ATE1: variants seen among roughly 807,000 people sequenced by gnomAD.
ATE1 encodes arginyl-tRNA--protein transferase 1.
Under a neutral mutation model 70.5 loss-of-function variants are expected in ATE1, and 36 were observed. The observed-to-expected ratio is 0.51, with a 90% CI of 0.39 to 0.67. ATE1 has a LOEUF of 0.67. Among genes scored for constraint, ATE1 ranks in the 30% least tolerant of loss-of-function variants. The pLI, the probability that ATE1 is intolerant of heterozygous loss-of-function variation, is 0.00. For missense variants in ATE1, 593 were observed against 629.5 expected (o/e 0.94, Z 0.62); for synonymous variants, 232 against 219.3 (o/e 1.06, Z -0.51).
chr10:121,786,022 T>C (rs999473436), intron 11 of ATE1, among the ~76,000 whole-genome samples: 2 of 152,114 alleles, frequency 1.3e-5, no homozygotes, highest in Non-Finnish European at 2.9e-5. Context: ...ATAACAAGTA[T>C]AGAGCAGTAT....
At chr10:121,857,745 A>T (rs1256907278) in intron 8 of ATE1, among the ~76,000 whole-genome samples, 12 of 152,198 alleles carry the variant, frequency 7.9e-5, no homozygotes, top group African/African-American at 2.9e-4. Flanking sequence ...TAGCATCATC[A>T]AGTACATTCA....
intron 10 of ATE1, among the ~76,000 whole-genome samples, chr10:121,792,426 C>T (rs531710286): frequency 6.6e-6 from 1 of 152,286 alleles, no homozygotes; most frequent in Admixed American, 6.5e-5. Context: ...GACCAGAAGT[C>T]AGGTCTCTGA....
At chr10:121,794,203 C>T (rs1447110881) in intron 10 of ATE1, among the ~76,000 whole-genome samples, 1 of 152,130 alleles carries the variant, frequency 6.6e-6, no homozygotes, top group Non-Finnish European at 1.5e-5. Flanking sequence ...ACTATTAAAG[C>T]TTTATATTAT....
intron 10 of ATE1, among the ~76,000 whole-genome samples, chr10:121,823,812 G>T (rs1947899684): frequency 1.3e-5 from 2 of 152,098 alleles, no homozygotes; most frequent in South Asian, 4.2e-4. Flanking sequence ...TAATTAACAT[G>T]GCAAGTGCTT....
chr10:121,816,246 A>G (rs1363459403), intron 10 of ATE1, among the ~76,000 whole-genome samples: 1 of 152,216 alleles, frequency 6.6e-6, no homozygotes, highest in African/African-American at 2.4e-5. Context: ...TAGAAAAACT[A>G]TTTTATACTA....
chr10:121,908,103 A>G (rs1951273616), intron 5 of ATE1, among the ~76,000 whole-genome samples: 1 of 152,238 alleles, frequency 6.6e-6, no homozygotes, highest in African/African-American at 2.4e-5. Context: ...AGATTGCAAC[A>G]GCAGTATGTT....
chr10:121,883,045 A>G (rs1179317844), intron 7 of ATE1, among the ~76,000 whole-genome samples: 2 of 152,134 alleles, frequency 1.3e-5, no homozygotes, highest in African/African-American at 4.8e-5. Context: ...TATATTCCCA[A>G]CTTACAGAAG....
At chr10:121,870,377 A>T (rs1170346625) in intron 7 of ATE1, among the ~76,000 whole-genome samples, 1 of 152,240 alleles carries the variant, frequency 6.6e-6, no homozygotes, top group African/African-American at 2.4e-5. Context: ...AAAAATCAGC[A>T]ATCTTCCTGA....
At chr10:121,775,704 T>C (rs974884917) in intron 11 of ATE1, among the ~76,000 whole-genome samples, 4 of 152,202 alleles carry the variant, frequency 2.6e-5, no homozygotes, top group African/African-American at 9.6e-5. Flanking sequence ...ATTAAGAAAG[T>C]GGGTCCCTCC....
At chr10:121,772,141 A>C (rs758267797) in intron 11 of ATE1, among the ~76,000 whole-genome samples, 3 of 152,222 alleles carry the variant, frequency 2.0e-5, no homozygotes, top group African/African-American at 4.8e-5. Context: ...CAGGGATACA[A>C]AGACAAGGAT....
At chr10:121,884,385 AG>A (rs1287827965) in intron 7 of ATE1, among the ~76,000 whole-genome samples, 1 of 151,806 alleles carries the variant, frequency 6.6e-6, no homozygotes, top group Non-Finnish European at 1.5e-5. Flanking sequence ...GGATCATTTG[AG>A]GCCAGGAGTT....
intron 11 of ATE1, among the ~76,000 whole-genome samples, chr10:121,776,541 C>T (rs1020073175): frequency 2.0e-5 from 3 of 152,232 alleles, no homozygotes; most frequent in Admixed American, 1.3e-4. Flanking sequence ...TGACAATCCT[C>T]CCCACCAAGT....
chr10:121,900,636 T>C (rs1327422693), intron 6 of ATE1, among the ~76,000 whole-genome samples: 1 of 152,226 alleles, frequency 6.6e-6, no homozygotes, highest in African/African-American at 2.4e-5. Context: ...ACTTAAAATG[T>C]ATTAGCAAAA....
chr10:121,913,803 T>A lies in ATE1; in HGVS notation c.324A>T (p.Lys108Asn), dbSNP rs1395917531. The A allele has an allele frequency of 6.2e-7, 1 of 1,612,154 alleles. No homozygotes were observed. The highest frequency in any genetic ancestry group is 8.5e-7 in the Non-Finnish European group (1 of 1,178,568). ...AGCCCATCTTACCCTCACAACTTCC[T>A]TTGGGAACCTCCCCTTTAGCTAGAA... ...LKFLAKGEVP[K>N]GSCEDEPMDS... Residue 108 changes from lysine (K) to asparagine (N), a missense_variant, in exon 4 of 12, where the codon AAA (lysine) becomes AAT (asparagine). Transcript: ENST00000224652.
chr10:121,783,328 T>C (rs1460586345), intron 11 of ATE1, among the ~76,000 whole-genome samples: 1 of 152,154 alleles, frequency 6.6e-6, no homozygotes, highest in East Asian at 1.9e-4. Context: ...CTATATTATG[T>C]TTAATGCTTA....
rs961562546 is a variant in ATE1 at position 121,760,633 on chromosome 10, G to T, written c.1379-16775C>A. On this transcript the variant is annotated intron_variant, in intron 11 of 11. Coordinates refer to ENST00000224652, the MANE Select transcript of ATE1 (RefSeq NM_001001976.3). Reference sequence around the variant, plus strand: ...AAGAGCAAAGAAAGTGATTGCTTGAGACAAAATCTACCTCTGGTGAAGATG... The same window carrying T: ...AAGAGCAAAGAAAGTGATTGCTTGATACAAAATCTACCTCTGGTGAAGATG... 2.0e-5 allele frequency among the ~76,000 whole-genome samples: 3 copies of T among 152,316 alleles called. No homozygotes were observed. The South Asian group carries it at 6.2e-4, about 32-fold the overall frequency.
chr10:121,791,055 CGTGTGTGTGT>C (rs71189171), intron 10 of ATE1, among the ~76,000 whole-genome samples: 1,860 of 135,798 alleles, frequency 0.014, 60 homozygotes, highest in African/African-American at 0.032. Flanking sequence ...TATATGTATA[CGTGTGTGTGT>C]GTGTGTGTGT....
intron 11 of ATE1, among the ~76,000 whole-genome samples, chr10:121,753,319 T>C (rs1944663943): frequency 6.6e-6 from 1 of 152,210 alleles, no homozygotes; most frequent in Admixed American, 6.5e-5. Flanking sequence ...CTTGCTGAAC[T>C]GGCATGGCTA....
intron 8 of ATE1, among the ~76,000 whole-genome samples, chr10:121,851,907 G>GT (rs1200792508): frequency 6.6e-6 from 1 of 152,238 alleles, no homozygotes; most frequent in Non-Finnish European, 1.5e-5. Flanking sequence ...GACCTATGTG[G>GT]TATAATACCA....
Sources: gnomAD v4.1 joint callset for allele counts (sites outside exome capture counted in the v4.1 genomes callset) on GRCh38, gnomAD v4.1.1 for gene constraint, MANE v1.5 for transcripts, NCBI Gene and HGNC (gene_info 2026-07-23, HGNC 2026-07-21) for gene names.